The following DNAJB6 variants were observed in gnomAD, a reference collection of about 807,000 sequenced individuals.
DNAJB6 encodes the protein DnaJ heat shock protein family (Hsp40) member B6.
Under a neutral mutation model 42.7 loss-of-function variants are expected in DNAJB6, and 16 were observed. The observed-to-expected ratio is 0.37, with a 90% CI of 0.25 to 0.57. DNAJB6 has a LOEUF of 0.57. DNAJB6 is among the 20% of genes least tolerant of loss of function. The pLI is 0.74. For missense variants in DNAJB6, 347 were observed against 416.8 expected, an observed-to-expected ratio of 0.83 and a Z score of 1.46; for synonymous variants, 170 against 163.5, an observed-to-expected ratio of 1.04 and a Z score of -0.30.
chr7:157,374,582 C>T (rs1226692255), intron 5 of DNAJB6, among the ~76,000 whole-genome samples: 1 of 152,138 alleles, frequency 6.6e-6, no homozygotes, highest in African/African-American at 2.4e-5. Flanking sequence ...GAAAATTATC[C>T]TGGCTAGTGA....
intron 1 of DNAJB6, among the ~76,000 whole-genome samples, chr7:157,356,039 T>C (rs939814983): frequency 1.3e-5 from 2 of 152,232 alleles, no homozygotes; most frequent in Non-Finnish European, 2.9e-5. Context: ...ATGAGCTGTT[T>C]GGACTTGCGA....
chr7:157,382,354 G>C lies in DNAJB6; in HGVS notation c.455G>C (p.Ser152Thr). ...SAFSGFPSFG[S>T]GFSSFDTGFT... ...TTCAGTGGATTTCCGTCTTTTGGAAGTGGATTTTCTTCTTTTGATACAGGT... is the reference window on the plus strand; with the variant it reads ...TTCAGTGGATTTCCGTCTTTTGGAACTGGATTTTCTTCTTTTGATACAGGT... Residue 152 changes from serine to threonine, a missense_variant, in exon 6 of 10, where the codon AGT (serine) becomes ACT (threonine). This residue lies in a region of DNAJB6 where 264 missense variants were observed against 288.0 expected (regional missense o/e 0.92). Coordinates refer to ENST00000262177, the MANE Select transcript of DNAJB6 (RefSeq NM_058246.4). 1 of 1,608,516 alleles carries C rather than the reference G, an allele frequency of 6.2e-7. No individual in the cohort carries two copies. The highest frequency in any genetic ancestry group is 1.1e-5 in the South Asian group (1 of 90,578).
At chr7:157,383,949 T>C (rs1800920813) in intron 6 of DNAJB6, among the ~76,000 whole-genome samples, 1 of 152,232 alleles carries the variant, frequency 6.6e-6, no homozygotes, top group Non-Finnish European at 1.5e-5. Flanking sequence ...TAGTTTCTGC[T>C]TTTTAGTGAA....
intron 5 of DNAJB6, among the ~76,000 whole-genome samples, chr7:157,368,373 T>A (rs1799945049): frequency 6.6e-6 from 1 of 152,194 alleles, no homozygotes; most frequent in African/African-American, 2.4e-5. Flanking sequence ...GTAAAATCAT[T>A]AAGCACCATA....
chr7:157,347,921 G>T (rs1239488021), intron 1 of DNAJB6, among the ~76,000 whole-genome samples: 1 of 151,726 alleles, frequency 6.6e-6, no homozygotes, highest in Non-Finnish European at 1.5e-5. Context: ...TCAGCCTCCC[G>T]AGTAGCTGGG....
intron 1 of DNAJB6, among the ~76,000 whole-genome samples, chr7:157,357,983 T>G (rs1480423321): frequency 2.6e-5 from 4 of 152,186 alleles, no homozygotes; most frequent in Non-Finnish European, 4.4e-5. Flanking sequence ...TAACGCTAAC[T>G]GCTGTGTAGT....
chr7:157,406,080 C>T lies in DNAJB6; in HGVS notation c.692-3715C>T, dbSNP rs951402858. Among the ~76,000 whole-genome samples, 5 of 152,326 alleles carry T rather than the reference C, an allele frequency of 3.3e-5. No individual in the cohort carries two copies. In the East Asian group the frequency reaches 7.7e-4, roughly 24 times the overall value. On this transcript the variant is annotated intron_variant, in intron 8 of 9. Transcript: ENST00000262177. ...TCTGAACAGATAGAACCATCGAGGC[C>T]GAATCGGGCAGTCCTCCTGTTCAGA...
chr7:157,341,859 G>C (rs1442189356), intron 1 of DNAJB6, among the ~76,000 whole-genome samples: 1 of 152,232 alleles, frequency 6.6e-6, no homozygotes, highest in Non-Finnish European at 1.5e-5. Flanking sequence ...TGGAGACTGA[G>C]TACTTAACCG....
chr7:157,369,167 A>G (rs1186388419), intron 5 of DNAJB6: 6 of 413,642 alleles, frequency 1.5e-5, no homozygotes, highest in African/African-American at 1.0e-4. Context: ...GTTTAAGTGC[A>G]TTTGCTGTAA....
intron 8 of DNAJB6, among the ~76,000 whole-genome samples, chr7:157,390,201 T>A (rs75101076): frequency 6.6e-6 from 1 of 152,058 alleles, no homozygotes; most frequent in African/African-American, 2.4e-5. Context: ...GAGCAGAGGC[T>A]TACTCCCCAC....
chr7:157,366,690 A>G, intron 4 of DNAJB6, 129 bp downstream of exon 4: 1 of 794,064 alleles, frequency 1.3e-6, no homozygotes, highest in Middle Eastern at 2.3e-4. Flanking sequence ...AAAGCGAACT[A>G]AATTGGGGAG....
chr7:157,349,759 C>T (rs1798874088), intron 1 of DNAJB6, among the ~76,000 whole-genome samples: 1 of 152,168 alleles, frequency 6.6e-6, no homozygotes, highest in African/African-American at 2.4e-5. Context: ...ATTCTCATGC[C>T]TCAGTCTCCT....
intron 8 of DNAJB6, among the ~76,000 whole-genome samples, chr7:157,395,684 CTTT>C (rs869242320): frequency 3.8e-5 from 5 of 131,870 alleles, no homozygotes; most frequent in Non-Finnish European, 4.9e-5. Flanking sequence ...TTTTTCTTTT[CTTT>C]TTTTTTTTTT....
intron 8 of DNAJB6, among the ~76,000 whole-genome samples, chr7:157,398,751 T>C (rs1214649797): frequency 1.3e-5 from 2 of 152,240 alleles, no homozygotes; most frequent in Non-Finnish European, 2.9e-5. Context: ...CCAGCCTACA[T>C]TTTAGTAATT....
chr7:157,408,310 C>A (rs1368291111), intron 8 of DNAJB6, among the ~76,000 whole-genome samples: 1 of 152,346 alleles, frequency 6.6e-6, no homozygotes, highest in East Asian at 1.9e-4. Context: ...TTTCTGTGTT[C>A]AAAGTGTGGG....
intron 6 of DNAJB6, 66 bp from the exon 7 acceptor site, chr7:157,384,801 A>G (rs1800970764): frequency 2.0e-6 from 3 of 1,508,766 alleles, no homozygotes; most frequent in Non-Finnish European, 1.8e-6. Flanking sequence ...GAACTTTCAA[A>G]CTCTTGTCTT....
rs746862001 is a variant in DNAJB6 at position 157,409,868 on chromosome 7, C to A, written c.765C>A (p.Ala255=). Residue 255 remains alanine (A), a synonymous_variant, in exon 9 of 10, where the codon GCC becomes GCA. Coordinates refer to ENST00000262177, the MANE Select transcript of DNAJB6 (RefSeq NM_058246.4). The part of the protein sequence containing the change: ...RGQNALPAQP[A]GLRPPKPPRP... ...AGAACGCCCTGCCAGCCCAGCCTGCCGGCCTCCGCCCGCCGAAGCCGCCCC... is the reference window on the plus strand; with the variant it reads ...AGAACGCCCTGCCAGCCCAGCCTGCAGGCCTCCGCCCGCCGAAGCCGCCCC... 1 of 1,533,312 alleles carries A rather than the reference C, an allele frequency of 6.5e-7. No homozygotes were observed. The highest frequency in any genetic ancestry group is 8.7e-7 in the Non-Finnish European group (1 of 1,145,646). The allele number at this position is 1,533,312 out of a possible 1,614,324, so 95.0% of individuals were successfully genotyped here.
chr7:157,389,435 A>G (rs1239189833), intron 8 of DNAJB6, among the ~76,000 whole-genome samples: 1 of 152,234 alleles, frequency 6.6e-6, no homozygotes, highest in East Asian at 1.9e-4. Context: ...TTTCAAGCAC[A>G]AAATTATGTT....
intron 5 of DNAJB6, chr7:157,369,184 C>A (rs1017083658): frequency 9.7e-5 from 42 of 432,406 alleles, no homozygotes; most frequent in Middle Eastern, 5.6e-4. Flanking sequence ...GTAATCACTG[C>A]TGCCATCAGC....
Sources: allele counts gnomAD v4.1 joint callset (sites outside exome capture counted in the v4.1 genomes callset), GRCh38; gene constraint gnomAD v4.1.1; regional missense constraint gnomAD v4.1.1; transcripts MANE v1.5; gene names NCBI Gene and HGNC (gene_info 2026-07-23, HGNC 2026-07-21).